The following CAMKMT variants were observed in gnomAD, a reference collection of about 807,000 sequenced individuals.
CAMKMT encodes the protein CaM KMT.
In CAMKMT, 53 loss-of-function variants were observed where a neutral mutation model predicts 48.0. That is an observed-to-expected ratio of 1.10 (90% CI 0.89 to 1.39). The LOEUF is 1.39. CAMKMT is among the 40% of genes most tolerant of loss of function. CAMKMT has a pLI of 0.00. For missense variants in CAMKMT, 428 were observed against 402.7 expected (o/e 1.06, Z -0.54); for synonymous variants, 165 against 152.3 (o/e 1.08, Z -0.61).
intron 3 of CAMKMT, among the ~76,000 whole-genome samples, chr2:44,548,930 C>G (rs1667551973): frequency 6.6e-6 from 1 of 152,124 alleles, no homozygotes; most frequent in Non-Finnish European, 1.5e-5. Flanking sequence ...TCAACCATGC[C>G]ATACCAGACT....
At chr2:44,740,551 G>C (rs1163303755) in intron 7 of CAMKMT, among the ~76,000 whole-genome samples, 1 of 152,134 alleles carries the variant, frequency 6.6e-6, no homozygotes, top group East Asian at 1.9e-4. Context: ...ACCTAGGATA[G>C]TGGGAAACTA....
At chr2:44,522,563 C>T (rs2104801335) in intron 3 of CAMKMT, among the ~76,000 whole-genome samples, 1 of 152,246 alleles carries the variant, frequency 6.6e-6, no homozygotes, top group South Asian at 2.1e-4. Flanking sequence ...TTTTGTCTGT[C>T]TGAAAGGGTT....
chr2:44,574,706 G>T (rs1382479887), intron 3 of CAMKMT, among the ~76,000 whole-genome samples: 12 of 151,718 alleles, frequency 7.9e-5, no homozygotes, highest in African/African-American at 2.9e-4. Context: ...TTACTACAGA[G>T]TGCTCCCATC....
At chr2:44,685,467 G>A (rs1676285534) in intron 3 of CAMKMT, among the ~76,000 whole-genome samples, 1 of 152,286 alleles carries the variant, frequency 6.6e-6, no homozygotes, top group Non-Finnish European at 1.5e-5. Flanking sequence ...ACCAGTTATA[G>A]CTAGAGAGAA....
At chr2:44,451,119 G>A (rs1667265724) in intron 3 of CAMKMT, among the ~76,000 whole-genome samples, 1 of 152,126 alleles carries the variant, frequency 6.6e-6, no homozygotes, top group African/African-American at 2.4e-5. Context: ...TAAGTGAAAA[G>A]CACAAAGGAT....
At chr2:44,731,412 AGAAGTACTAAACAT>A (rs1451285994) in intron 7 of CAMKMT, among the ~76,000 whole-genome samples, 1 of 152,218 alleles carries the variant, frequency 6.6e-6, no homozygotes. Context: ...AGGTAAACAA[AGAAGTACTAAACAT>A]GAGAATATGA....
chr2:44,362,408 C>T (rs998232698), intron 1 of CAMKMT, among the ~76,000 whole-genome samples: 2 of 152,196 alleles, frequency 1.3e-5, no homozygotes, highest in African/African-American at 2.4e-5. Flanking sequence ...CCCTTCTAGA[C>T]ATTTTTGTGC....
Position 44,614,936 on chromosome 2 carries a change from C to CTTTTTTTTTTTTTTTT in CAMKMT, c.377-89338_377-89323dup. Among the ~76,000 whole-genome samples the CTTTTTTTTTTTTTTTT allele has an allele frequency of 1.1e-3, 55 of 48,988 alleles. 15 individuals are homozygous for CTTTTTTTTTTTTTTTT. The highest frequency in any genetic ancestry group is 5.1e-3 in the African/African-American group (49 of 9,640). 32.1% of individuals were successfully genotyped at this position (48,988 alleles called of 152,430 possible). ...TCTAACCAGCTCTTTGGTCTCCTTGCTTTTTTTTTTTTTTTTTTTTTTTTG... is the reference window on the plus strand; with the variant it reads ...TCTAACCAGCTCTTTGGTCTCCTTGCTTTTTTTTTTTTTTTTTTTTTTTTTTTTTTTTTTTTTTTTG... On this transcript the variant is annotated intron_variant, in intron 3 of 10. Transcript: ENST00000378494.
At chr2:44,564,648 C>T (rs534218524) in intron 3 of CAMKMT, among the ~76,000 whole-genome samples, 2 of 152,320 alleles carry the variant, frequency 1.3e-5, no homozygotes, top group African/African-American at 4.8e-5. Flanking sequence ...AAGCGATTCT[C>T]TCCTGCCTCA....
At chr2:44,732,673 T>G (rs1302757819) in intron 7 of CAMKMT, among the ~76,000 whole-genome samples, 1 of 152,250 alleles carries the variant, frequency 6.6e-6, no homozygotes, top group Non-Finnish European at 1.5e-5. Flanking sequence ...ACTAATGATG[T>G]TGAATATATT....
At chr2:44,430,910 A>AGT (rs1160045420) in intron 3 of CAMKMT, among the ~76,000 whole-genome samples, 1 of 152,230 alleles carries the variant, frequency 6.6e-6, no homozygotes, top group Admixed American at 6.5e-5. Context: ...GATTTGCAAA[A>AGT]GTACTATAAG....
chr2:44,522,291 C>T (rs948447002), intron 3 of CAMKMT, among the ~76,000 whole-genome samples: 1 of 152,142 alleles, frequency 6.6e-6, no homozygotes, highest in African/African-American at 2.4e-5. Flanking sequence ...AGGCATGAGC[C>T]ACCGAGCCCG....
At chr2:44,410,194 T>A (rs533491853) in intron 3 of CAMKMT, among the ~76,000 whole-genome samples, 128 of 145,906 alleles carry the variant, frequency 8.8e-4, no homozygotes, top group African/African-American at 3.3e-3. Context: ...TAGTAATACG[T>A]GTATCCTGAC....
At chr2:44,410,152 A>G (rs1375994298) in intron 3 of CAMKMT, among the ~76,000 whole-genome samples, 1 of 150,038 alleles carries the variant, frequency 6.7e-6, no homozygotes, top group African/African-American at 2.5e-5. Flanking sequence ...TGTACTACCA[A>G]AGAAGCAGAA....
At chr2:44,478,177 A>G (rs2104672216) in intron 3 of CAMKMT, among the ~76,000 whole-genome samples, 1 of 152,370 alleles carries the variant, frequency 6.6e-6, no homozygotes, top group African/African-American at 2.4e-5. Flanking sequence ...ATAGCTGGCT[A>G]CATTTTGAAA....
chr2:44,374,570 A>C (rs1679492663), intron 2 of CAMKMT, among the ~76,000 whole-genome samples: 1 of 152,202 alleles, frequency 6.6e-6, no homozygotes, highest in Admixed American at 6.5e-5. Context: ...AGGGTTAGCC[A>C]GTGAGAATGT....
chr2:44,471,183 G>A (rs1440006170), intron 3 of CAMKMT, among the ~76,000 whole-genome samples: 2 of 151,780 alleles, frequency 1.3e-5, no homozygotes, highest in Non-Finnish European at 1.5e-5. Context: ...TAGAGACGGG[G>A]TTTCACCATG....
In CAMKMT at chr2:44,556,716, G is replaced by T. The variant is rs1488849721; in HGVS notation, c.377-147567G>T. On this transcript the variant is annotated intron_variant, in intron 3 of 10. Coordinates refer to ENST00000378494, the MANE Select transcript of CAMKMT (RefSeq NM_024766.5). Reference sequence around the variant, plus strand: ...GATCTCCTGACCTCATGATCCACCCGCCTCGGCCTCCCAAAGTGCTGGGAT... The same window carrying T: ...GATCTCCTGACCTCATGATCCACCCTCCTCGGCCTCCCAAAGTGCTGGGAT... Among the ~76,000 whole-genome samples, 2 of 66,458 alleles carry T rather than the reference G, an allele frequency of 3.0e-5. 1 individual carries two copies. Among genetic ancestry groups the T allele is most frequent in the Admixed American group, 2.8e-4 (2 of 7,142 alleles). 43.6% of individuals were successfully genotyped at this position (66,458 alleles called of 152,430 possible). A position where few individuals can be genotyped will look rare whatever the true frequency, so the allele number is the denominator to read the frequency against.
intron 3 of CAMKMT, among the ~76,000 whole-genome samples, chr2:44,399,555 T>G (rs1323404863): frequency 6.6e-6 from 1 of 152,096 alleles, no homozygotes; most frequent in East Asian, 1.9e-4. Flanking sequence ...ATTTCCCTTT[T>G]TTCCCTCTCT....
Sources: gnomAD v4.1 joint callset for allele counts (sites outside exome capture counted in the v4.1 genomes callset) on GRCh38, gnomAD v4.1.1 for gene constraint, MANE v1.5 for transcripts, NCBI Gene and HGNC (gene_info 2026-07-23, HGNC 2026-07-21) for gene names.